Variants in DLG1 observed in about 807,000 individuals in gnomAD.
DLG1 encodes disks large homolog 1.
Under a neutral mutation model 123.4 loss-of-function variants are expected in DLG1, and 42 were observed. The observed-to-expected ratio is 0.34, with a 90% CI of 0.27 to 0.44. The LOEUF (loss-of-function observed/expected upper bound fraction) is 0.44. Ranked by LOEUF, DLG1 falls within the 20% of genes least tolerant of loss-of-function variation. The pLI is 1.00. For synonymous variants in DLG1, 317 were observed against 356.2 expected (o/e 0.89, Z 1.24); for missense variants, 942 against 1,082.6 (o/e 0.87, Z 1.82).
At chr3:197,243,252 G>A (rs1163060151) in intron 4 of DLG1, among the ~76,000 whole-genome samples, 2 of 152,250 alleles carry the variant, frequency 1.3e-5, no homozygotes, top group African/African-American at 4.8e-5. Flanking sequence ...TAACAACTTC[G>A]AGTAAGGCGG....
intron 4 of DLG1, among the ~76,000 whole-genome samples, chr3:197,251,217 C>CA (rs999570655): frequency 9.9e-5 from 15 of 151,258 alleles, no homozygotes; most frequent in African/African-American, 2.4e-4. Flanking sequence ...CAAAAACAAA[C>CA]AAAAAAACAA....
chr3:197,135,270 T>C (rs781428597), intron 10 of DLG1, among the ~76,000 whole-genome samples: 4 of 152,206 alleles, frequency 2.6e-5, no homozygotes, highest in Admixed American at 6.5e-5. Flanking sequence ...CCAAATGTCA[T>C]CCTGAATTGT....
intron 14 of DLG1, among the ~76,000 whole-genome samples, chr3:197,093,262 G>A (rs1267229945): frequency 6.6e-6 from 1 of 151,942 alleles, no homozygotes; most frequent in African/African-American, 2.4e-5. Flanking sequence ...GGCTTCAAGC[G>A]ATTCTCCTGC....
intron 22 of DLG1, among the ~76,000 whole-genome samples, chr3:197,060,456 C>T (rs186205393): frequency 6.6e-6 from 1 of 152,164 alleles, no homozygotes; most frequent in East Asian, 1.9e-4. Context: ...TTTCATTCTG[C>T]CAAGAAAAGT....
chr3:197,151,077 C>T (rs1178655050), intron 5 of DLG1, among the ~76,000 whole-genome samples: 4 of 152,102 alleles, frequency 2.6e-5, no homozygotes, highest in African/African-American at 9.7e-5. Flanking sequence ...AACTTACAGA[C>T]ATTTGAGATT....
intron 14 of DLG1, among the ~76,000 whole-genome samples, chr3:197,093,568 T>G (rs1027054928): frequency 3.3e-5 from 5 of 151,988 alleles, no homozygotes; most frequent in African/African-American, 1.2e-4. Flanking sequence ...CCACGCTTTT[T>G]TTTTTTTTTA....
chr3:197,079,175 T>C (rs1332136761), intron 17 of DLG1, among the ~76,000 whole-genome samples: 1 of 152,212 alleles, frequency 6.6e-6, no homozygotes, highest in East Asian at 1.9e-4. Context: ...CTTACTGTCA[T>C]TAATGCTATA....
At position 197,262,224 on chromosome 3, in the gene DLG1, C is replaced by T. The variant is rs1759731656; in HGVS notation, c.318+20455G>A. 2.0e-5 allele frequency among the ~76,000 whole-genome samples: 3 copies of T among 152,032 alleles called. No homozygotes were observed. In the South Asian group the frequency reaches 6.2e-4, roughly 32 times the overall value. On this transcript the variant is annotated intron_variant, in intron 4 of 24. Coordinates refer to ENST00000667157, the MANE Select transcript of DLG1 (RefSeq NM_001366207.1). ...AGAGGGCTGGAACTTTCAGCTCCAC[C>T]CACCAACCTCCAGGAAAGGGGCAGG... is the stretch of plus-strand genomic sequence containing the variant.
chr3:197,230,254 A>G lies in DLG1; in HGVS notation c.319-35665T>C, dbSNP rs116277070. 3.7e-3 allele frequency among the ~76,000 whole-genome samples: 560 copies of G among 152,348 alleles called. 4 individuals are homozygous for G. The highest frequency in any genetic ancestry group is 0.012 in the African/African-American group (491 of 41,578). ...CAAAACTGCCTGTTTAGATTTATAT[A>G]ATAAACAAATGTAAATATGAATTTA... On this transcript the variant is annotated intron_variant, in intron 4 of 24. Transcript: ENST00000667157.
chr3:197,220,452 G>C (rs964866974), intron 4 of DLG1, among the ~76,000 whole-genome samples: 1 of 152,060 alleles, frequency 6.6e-6, no homozygotes, highest in African/African-American at 2.4e-5. Context: ...TAATGTACTA[G>C]ATTTTCAAAG....
chr3:197,060,150 T>C (rs528841371), intron 22 of DLG1, 152 bp from the exon 23 acceptor site: 21 of 522,112 alleles, frequency 4.0e-5, no homozygotes, highest in African/African-American at 9.7e-5. Context: ...CAGCAAACTT[T>C]AGATAGGAAA....
chr3:197,266,634 G>A (rs1235836488), intron 4 of DLG1, among the ~76,000 whole-genome samples: 1 of 151,878 alleles, frequency 6.6e-6, no homozygotes, highest in Non-Finnish European at 1.5e-5. Flanking sequence ...AGAGGGAGAG[G>A]AGAAGAGAAG....
intron 4 of DLG1, among the ~76,000 whole-genome samples, chr3:197,240,652 T>C (rs1748357735): frequency 6.6e-6 from 1 of 152,040 alleles, no homozygotes; most frequent in Non-Finnish European, 1.5e-5. Flanking sequence ...AATTCAGAAA[T>C]TTATCAGGAA....
At chr3:197,097,374 C>T (rs1047520416) in intron 14 of DLG1, among the ~76,000 whole-genome samples, 3 of 152,170 alleles carry the variant, frequency 2.0e-5, no homozygotes, top group Non-Finnish European at 4.4e-5. Context: ...TCCCCTTGCA[C>T]AGATGCTGAT....
At position 197,044,715 on chromosome 3, in the gene DLG1, C is replaced by T. The variant is rs778889719; in HGVS notation, c.2590G>A (p.Asp864Asn). ...TGGTTGTAAATGTCTTCCAGCGTAT[C>T]CCCCTGTACAATAGCTGTAATGATA... Reference protein sequence around the residue: ...TEHFTAIVQGDTLEDIYNQVK... With the variant: ...TEHFTAIVQGNTLEDIYNQVK... The change falls in exon 25 of 25, where the codon GAT becomes AAT. Residue 864 changes from aspartate to asparagine, a missense_variant. Physicochemically the swap from Asp to Asn is conservative, Grantham distance 23. Transcript: ENST00000667157. 16 of 1,583,028 alleles carry T rather than the reference C, an allele frequency of 1.0e-5. No individual in the cohort carries two copies. In the African/African-American group the frequency reaches 1.9e-4, roughly 19 times the overall value.
chr3:197,091,955 C>T (rs887253658), intron 14 of DLG1, among the ~76,000 whole-genome samples: 3 of 152,016 alleles, frequency 2.0e-5, no homozygotes, highest in Admixed American at 6.5e-5. Context: ...CTTTGTTTTA[C>T]GGATAATAAG....
intron 18 of DLG1, among the ~76,000 whole-genome samples, chr3:197,071,960 C>G (rs897011952): frequency 1.3e-5 from 2 of 152,150 alleles, no homozygotes; most frequent in Admixed American, 1.3e-4. Context: ...CATATATATG[C>G]TTACCACAAG....
At chr3:197,259,252 T>C (rs1758257856) in intron 4 of DLG1, among the ~76,000 whole-genome samples, 1 of 152,314 alleles carries the variant, frequency 6.6e-6, no homozygotes, top group Admixed American at 6.5e-5. Flanking sequence ...CAAGACAGTT[T>C]ACCTAGAGGT....
chr3:197,191,602 C>G (rs1427756973), intron 5 of DLG1, among the ~76,000 whole-genome samples: 2 of 152,162 alleles, frequency 1.3e-5, no homozygotes, highest in Non-Finnish European at 1.5e-5. Context: ...TATACATATC[C>G]TGGGAGTGTT....
Sources: gnomAD v4.1 joint callset for allele counts (sites outside exome capture counted in the v4.1 genomes callset) on GRCh38, gnomAD v4.1.1 for gene constraint, MANE v1.5 for transcripts, NCBI Gene and HGNC (gene_info 2026-07-23, HGNC 2026-07-21) for gene names.